Variants in ESR1 observed in about 807,000 individuals in gnomAD.
The protein encoded by ESR1 is estrogen receptor 1, also known as estrogen receptor.
In ESR1, 12 loss-of-function variants were observed where a neutral mutation model predicts 52.7. The observed-to-expected ratio is 0.23, with a 90% CI of 0.15 to 0.37. ESR1 has a LOEUF of 0.37. ESR1 is among the 10% of genes least tolerant of loss of function. The pLI is 1.00. For synonymous variants in ESR1, 305 were observed against 316.8 expected, an observed-to-expected ratio of 0.96 and a Z score of 0.39; for missense variants, 584 against 779.7, an observed-to-expected ratio of 0.75 and a Z score of 2.99.
chr6:151,665,260 A>T (rs1019661124), intron 1 of ESR1, among the ~76,000 whole-genome samples: 5 of 152,318 alleles, frequency 3.3e-5, no homozygotes, highest in African/African-American at 7.2e-5. Context: ...GAGGTGGGAA[A>T]GGTCAGAGGA....
intron 3 of ESR1, among the ~76,000 whole-genome samples, chr6:151,938,657 C>T (rs2034663575): frequency 6.6e-6 from 1 of 152,166 alleles, no homozygotes; most frequent in African/African-American, 2.4e-5. Context: ...CCCTTTCCTC[C>T]TCATTCCTAT....
intron 2 of ESR1, among the ~76,000 whole-genome samples, chr6:151,739,404 T>C (rs1181051522): frequency 6.6e-6 from 1 of 152,234 alleles, no homozygotes; most frequent in Non-Finnish European, 1.5e-5. Flanking sequence ...GGAATTTTTC[T>C]AGCACCAGGT....
chr6:151,731,773 G>A (rs1402884964), intron 2 of ESR1, among the ~76,000 whole-genome samples: 3 of 152,186 alleles, frequency 2.0e-5, no homozygotes, highest in Non-Finnish European at 4.4e-5. Flanking sequence ...CAGGGAGACA[G>A]AATAAGGTGT....
At chr6:151,711,979 G>A (rs545863426) in intron 2 of ESR1, among the ~76,000 whole-genome samples, 41 of 151,938 alleles carry the variant, frequency 2.7e-4, no homozygotes, top group Non-Finnish European at 5.1e-4. Context: ...TTATGGTTTC[G>A]GGTCTTACAT....
intron 6 of ESR1, chr6:152,122,378 G>A (rs1384793092): frequency 5.6e-6 from 9 of 1,612,788 alleles, no homozygotes; most frequent in Non-Finnish European, 7.6e-6. Context: ...GTTTGGGATT[G>A]CTTATGACCC....
chr6:151,920,425 CATTA>C (rs1437007174), intron 3 of ESR1, among the ~76,000 whole-genome samples: 5 of 151,952 alleles, frequency 3.3e-5, no homozygotes, highest in African/African-American at 1.2e-4. Flanking sequence ...CGACATCTTA[CATTA>C]TATGGTACAT....
chr6:151,971,838 A>G (rs1163435915), intron 4 of ESR1, among the ~76,000 whole-genome samples: 1 of 152,166 alleles, frequency 6.6e-6, no homozygotes, highest in Non-Finnish European at 1.5e-5. Flanking sequence ...TGAAACAAAC[A>G]ACAACAATAA....
chr6:152,127,996 T>G (rs1365775110), exon 7 of ESR1: 1 of 152,198 alleles, frequency 6.6e-6, no homozygotes, highest in Non-Finnish European at 1.5e-5. Flanking sequence ...CAAGGCAATT[T>G]TGCATTTTAC....
At chr6:151,935,742 T>A (rs2034279582) in intron 3 of ESR1, among the ~76,000 whole-genome samples, 1 of 152,212 alleles carries the variant, frequency 6.6e-6, no homozygotes, top group Non-Finnish European at 1.5e-5. Context: ...GATTTCAATA[T>A]TTTCCAAAAA....
At chr6:151,796,608 G>A (rs534532616) in intron 2 of ESR1, among the ~76,000 whole-genome samples, 2 of 152,120 alleles carry the variant, frequency 1.3e-5, no homozygotes, top group Non-Finnish European at 2.9e-5. Flanking sequence ...AGTAATTGTG[G>A]TTTTTGCCAT....
At chr6:151,868,408 G>A (rs762399187) in intron 2 of ESR1, among the ~76,000 whole-genome samples, 23 of 152,134 alleles carry the variant, frequency 1.5e-4, no homozygotes, top group Non-Finnish European at 2.5e-4. Flanking sequence ...GATTACAGGC[G>A]TCAGCCACTG....
At chr6:151,830,476 A>G (rs549222555) in intron 1 of ESR1, among the ~76,000 whole-genome samples, 4 of 152,336 alleles carry the variant, frequency 2.6e-5, no homozygotes, top group East Asian at 1.9e-4. Flanking sequence ...CAGGCTTTTT[A>G]AAAAAGAAGA....
chr6:152,063,916 A>C (rs2047754520), intron 6 of ESR1, among the ~76,000 whole-genome samples: 2 of 152,180 alleles, frequency 1.3e-5, no homozygotes, highest in Non-Finnish European at 2.9e-5. Context: ...GCCGAGGCAC[A>C]AGGGGAATTG....
intron 3 of ESR1, among the ~76,000 whole-genome samples, chr6:151,941,516 G>T (rs1298710432): frequency 6.6e-6 from 1 of 151,484 alleles, no homozygotes; most frequent in Non-Finnish European, 1.5e-5. Flanking sequence ...TTTTTCTCTG[G>T]TGTCCACCGC....
At chr6:151,672,124 C>G (rs886119568) in intron 1 of ESR1, among the ~76,000 whole-genome samples, 1 of 151,284 alleles carries the variant, frequency 6.6e-6, no homozygotes, top group African/African-American at 2.4e-5. Context: ...TGAGCCACTG[C>G]ACCTGGACAA....
chr6:152,049,759 C>G (rs1585005825), intron 5 of ESR1, among the ~76,000 whole-genome samples: 1 of 152,172 alleles, frequency 6.6e-6, no homozygotes, highest in East Asian at 1.9e-4. Flanking sequence ...ATTAGAGGAC[C>G]CTGGGAGGGC....
intron 6 of ESR1, among the ~76,000 whole-genome samples, chr6:152,080,294 C>T (rs1201619063): frequency 7.1e-6 from 1 of 141,662 alleles, no homozygotes; most frequent in Admixed American, 6.7e-5. Context: ...TGGGATCTCT[C>T]AGCAGAAACC....
At chr6:151,697,337 A>T (rs1001881099) in intron 1 of ESR1, among the ~76,000 whole-genome samples, 1 of 152,230 alleles carries the variant, frequency 6.6e-6, no homozygotes, top group Non-Finnish European at 1.5e-5. Flanking sequence ...TGTATTGAGA[A>T]TCAAAAGATG....
chr6:151,706,408 A>G (rs906962183), intron 2 of ESR1, among the ~76,000 whole-genome samples: 12 of 152,118 alleles, frequency 7.9e-5, no homozygotes, highest in African/African-American at 2.9e-4. Context: ...ACTTTCTTCA[A>G]TCCTACTGGG....
Sources: allele counts gnomAD v4.1 joint callset (sites outside exome capture counted in the v4.1 genomes callset), GRCh38; gene constraint gnomAD v4.1.1; transcripts MANE v1.5; gene names NCBI Gene and HGNC (gene_info 2026-07-23, HGNC 2026-07-21).